The following TEX10 variants were observed in gnomAD, a reference collection of about 807,000 sequenced individuals.
TEX10 encodes the protein testis-expressed protein 10.
In TEX10, 24 loss-of-function variants were observed where a neutral mutation model predicts 104.4. The observed-to-expected ratio is 0.23, with a 90% CI of 0.17 to 0.32. The LOEUF (loss-of-function observed/expected upper bound fraction) is 0.32, where lower values mean the gene tolerates loss of function less well. Ranked by LOEUF, TEX10 falls within the 10% of genes least tolerant of loss-of-function variation. The pLI, the probability that TEX10 is intolerant of heterozygous loss-of-function variation, is 1.00. For synonymous variants in TEX10, 396 were observed against 393.4 expected (o/e 1.01, Z -0.08); for missense variants, 921 against 1,083.9 (o/e 0.85, Z 2.11).
At chr9:100,322,241 G>A (rs936969391) in intron 9 of TEX10, among the ~76,000 whole-genome samples, 1 of 152,144 alleles carries the variant, frequency 6.6e-6, no homozygotes, top group Non-Finnish European at 1.5e-5. Context: ...CCACTATAAG[G>A]CAACTATGTG....
At position 100,320,147 on chromosome 9, in the gene TEX10, C is replaced by T. The variant is rs1056380312; in HGVS notation, c.2202+118G>A. ...TACTTCTCCCATCCAAGATTATAAG[C>T]ACTTTAAACAAGTATCTTTGAAAAG... On this transcript the variant is annotated intron_variant, in intron 11 of 14. Coordinates refer to ENST00000374902, the MANE Select transcript of TEX10 (RefSeq NM_017746.4). 7.4e-6 allele frequency: 7 copies of T among 943,412 alleles called. No individual in the cohort carries two copies. The African/African-American group carries it at 1.2e-4, about 16-fold the overall frequency. The allele number at this position is 943,412 out of a possible 1,614,324, so 58.4% of individuals were successfully genotyped here.
intron 11 of TEX10, among the ~76,000 whole-genome samples, chr9:100,312,327 A>G (rs768655251): frequency 6.6e-6 from 1 of 152,228 alleles, no homozygotes; most frequent in Non-Finnish European, 1.5e-5. Context: ...AGACAGCCCG[A>G]AAGAACCAGA....
At chr9:100,309,546 G>A (rs1184880585) in intron 12 of TEX10, among the ~76,000 whole-genome samples, 1 of 152,162 alleles carries the variant, frequency 6.6e-6, no homozygotes, top group Non-Finnish European at 1.5e-5. Flanking sequence ...ATTGTTGATG[G>A]CACAGGGATA....
At chr9:100,333,615 C>T (rs1318682114) in intron 5 of TEX10, among the ~76,000 whole-genome samples, 1 of 119,260 alleles carries the variant, frequency 8.4e-6, no homozygotes, top group Non-Finnish European at 1.7e-5. Context: ...TCAGCCTGGA[C>T]AACATAAGAA....
chr9:100,345,861 T>G (rs931656192), intron 4 of TEX10, among the ~76,000 whole-genome samples: 3 of 82,496 alleles, frequency 3.6e-5, no homozygotes, highest in African/African-American at 1.8e-4. Context: ...GTTACGCATT[T>G]CACTTAAATA....
chr9:100,347,059 A>G lies in TEX10; in HGVS notation c.528T>C (p.Thr176=). ...ILLEQYPALI[T]GRSSILLKNF... ...TCTTAAGCAATATGCTGCTACGGCC[A>G]GTAATTAGAGCTGGGTACTGTTCCA... Residue 176 remains threonine (T), a synonymous_variant, in exon 3 of 15, where the codon ACT becomes ACC. Coordinates refer to ENST00000374902, the MANE Select transcript of TEX10 (RefSeq NM_017746.4). 6.2e-7 allele frequency: 1 copy of G among 1,614,216 alleles called. No homozygotes were observed. Among genetic ancestry groups the G allele is most frequent in the Non-Finnish European group, 8.5e-7 (1 of 1,180,026 alleles).
intron 9 of TEX10, among the ~76,000 whole-genome samples, chr9:100,323,842 A>T (rs774577502): frequency 2.6e-5 from 4 of 152,224 alleles, no homozygotes; most frequent in African/African-American, 4.8e-5. Flanking sequence ...AAATGAGTAA[A>T]GGAGTATTGC....
chr9:100,337,817 C>T (rs766099832), intron 5 of TEX10, among the ~76,000 whole-genome samples: 3 of 152,176 alleles, frequency 2.0e-5, no homozygotes, highest in Non-Finnish European at 4.4e-5. Flanking sequence ...CCTCCTGAAA[C>T]CATATCCACG....
chr9:100,350,230 C>G lies in TEX10; in HGVS notation c.-9-858G>C, dbSNP rs190268827. 3.4e-4 allele frequency among the ~76,000 whole-genome samples: 52 copies of G among 152,294 alleles called. No individual in the cohort carries two copies. The East Asian group carries it at 9.6e-3, about 28-fold the overall frequency. On this transcript the variant is annotated intron_variant, in intron 1 of 14. Coordinates refer to ENST00000374902, the MANE Select transcript of TEX10 (RefSeq NM_017746.4). ...TCTCTTACCCATTTCCAGGCCACTA[C>G]TTTCAAGAAGTCCTTTATTTCTACC...
chr9:100,352,815 A>G lies in TEX10; in HGVS notation c.-53T>C. ...CCGGGGCGAGAAGCCCGAGAAGACA[A>G]GCGAGGGAGCAGAAGCCCACGGGGC... On this transcript the variant is annotated 5_prime_UTR_variant, in exon 1 of 15. Coordinates refer to ENST00000374902, the MANE Select transcript of TEX10 (RefSeq NM_017746.4). The G allele has an allele frequency of 2.9e-6, 3 of 1,045,410 alleles. No individual in the cohort carries two copies. Among genetic ancestry groups the G allele is most frequent in the Non-Finnish European group, 3.4e-6 (3 of 871,096 alleles). The allele number at this position is 1,045,410 out of a possible 1,614,324, so 64.8% of individuals were successfully genotyped here.
intron 10 of TEX10, among the ~76,000 whole-genome samples, chr9:100,320,746 T>C (rs1834548412): frequency 1.3e-5 from 2 of 152,244 alleles, no homozygotes; most frequent in African/African-American, 4.8e-5. Context: ...GTAAAAGCAG[T>C]AATATACTCC....
rs1031992756 is a variant in TEX10, at chr9:100,352,285, G to A, written c.-10+487C>T. 16 of 1,439,614 alleles carry A rather than the reference G, an allele frequency of 1.1e-5. No individual in the cohort carries two copies. In the African/African-American group the frequency reaches 1.6e-4, roughly 14 times the overall value. The allele number at this position is 1,439,614 out of a possible 1,614,324, so 89.2% of individuals were successfully genotyped here. A position where few individuals can be genotyped will look rare whatever the true frequency, so the allele number is the denominator to read the frequency against. ...CAAAAAGCAAATGGCCCAGGCAGGG[G>A]CGACCCCAGAAAACTGGTAGTCCCC... is the stretch of plus-strand genomic sequence containing the variant. On this transcript the variant is annotated intron_variant, in intron 1 of 14. Transcript: ENST00000374902.
intron 13 of TEX10, chr9:100,304,816 C>T (rs943640058): frequency 1.3e-5 from 2 of 152,116 alleles, no homozygotes; most frequent in African/African-American, 2.4e-5. Flanking sequence ...CGAGATCACA[C>T]CACTGCATTC....
At chr9:100,315,009 ATGT>A (rs1299744256) in intron 11 of TEX10, among the ~76,000 whole-genome samples, 8 of 152,132 alleles carry the variant, frequency 5.3e-5, no homozygotes, top group African/African-American at 1.9e-4. Context: ...GTTCAGGTGT[ATGT>A]TGTTTGATTT....
chr9:100,339,354 TTATATATTTA>T (rs994732607), intron 5 of TEX10, among the ~76,000 whole-genome samples: 67 of 82,266 alleles, frequency 8.1e-4, no homozygotes, highest in African/African-American at 3.4e-3. Flanking sequence ...ATATACATTT[TTATATATTTA>T]TATATATTTA....
chr9:100,329,948 T>A lies in TEX10; in HGVS notation c.1472A>T (p.Gln491Leu). Residue 491 changes from glutamine to leucine, a missense_variant, in exon 6 of 15, where the codon CAA (glutamine) becomes CTA (leucine). Around this residue, in one of 3 missense-constraint regions of TEX10, gnomAD observed 753 missense variants for 868.4 expected, o/e 0.87. Transcript: ENST00000374902. ...TCACCTACCTCTGTTTGGCTGTATT[T>A]GCATTAACCTCCAGGATACTCCCAG... ...RLLGVSWRLM[Q>L]IQPNREDTET... 6.2e-7 allele frequency: 1 copy of A among 1,611,514 alleles called. No individual in the cohort carries two copies. The highest frequency in any genetic ancestry group is 8.5e-7 in the Non-Finnish European group (1 of 1,178,318).
intron 5 of TEX10, 58 bp downstream of exon 5, chr9:100,340,199 T>A (rs1033274315): frequency 2.8e-6 from 3 of 1,057,618 alleles, no homozygotes; most frequent in Non-Finnish European, 4.0e-6. Context: ...AATTACTTCC[T>A]GATAATTTCA....
intron 11 of TEX10, among the ~76,000 whole-genome samples, chr9:100,315,685 GTTTT>G (rs1834398569): frequency 6.6e-6 from 1 of 152,022 alleles, no homozygotes; most frequent in South Asian, 2.1e-4. Flanking sequence ...GGCTTTCAGG[GTTTT>G]TTTGTTTTTT....
chr9:100,347,340 CT>C lies in TEX10; in HGVS notation c.246del (p.Asp83ThrfsTer9). 6.2e-7 allele frequency: 1 copy of C among 1,613,444 alleles called. No individual in the cohort carries two copies. The highest frequency in any genetic ancestry group is 8.5e-7 in the Non-Finnish European group (1 of 1,179,708). ...ATAAATGGGTATTGAGACAAAAGGT[CT>C]TTAAGTCCAAGAAGAGCACTTTGTT... ...GVKQSALLGL[K>X]DLLSQYPFII... On this transcript the variant is annotated frameshift_variant, in exon 3 of 15. Transcript: ENST00000374902. LOFTEE classifies it high-confidence loss of function.
Sources: gnomAD v4.1 joint callset for allele counts (sites outside exome capture counted in the v4.1 genomes callset) on GRCh38, gnomAD v4.1.1 for gene constraint, gnomAD v4.1.1 regional missense constraint, MANE v1.5 for transcripts, NCBI Gene and HGNC (gene_info 2026-07-23, HGNC 2026-07-21) for gene names.